Variants in SENP2 observed in about 807,000 individuals in gnomAD.
SENP2 encodes the protein SUMO specific peptidase 2, also known as sentrin-specific protease 2.
Under a neutral mutation model 86.3 loss-of-function variants are expected in SENP2, and 16 were observed. That is an observed-to-expected ratio of 0.19 (90% CI 0.13 to 0.28). The LOEUF (loss-of-function observed/expected upper bound fraction) is 0.28. Among genes scored for constraint, SENP2 ranks in the 10% least tolerant of loss-of-function variants. SENP2 has a pLI of 1.00. For synonymous variants in SENP2, 222 were observed against 238.7 expected, an observed-to-expected ratio of 0.93 and a Z score of 0.64; for missense variants, 552 against 703.0, an observed-to-expected ratio of 0.79 and a Z score of 2.43.
chr3:185,610,139 C>T (rs1033436089), intron 7 of SENP2, among the ~76,000 whole-genome samples: 1 of 145,416 alleles, frequency 6.9e-6, no homozygotes, highest in Admixed American at 7.0e-5. Context: ...TAAAAAGTCA[C>T]AGAATATTAT....
At chr3:185,590,571 T>G (rs1721945482) in intron 2 of SENP2, among the ~76,000 whole-genome samples, 2 of 145,936 alleles carry the variant, frequency 1.4e-5, no homozygotes, top group African/African-American at 2.5e-5. Context: ...CAAAAAAACT[T>G]AAGTCTCTTT....
chr3:185,590,809 C>T (rs1319767503), intron 2 of SENP2, among the ~76,000 whole-genome samples: 3 of 88,666 alleles, frequency 3.4e-5, no homozygotes, highest in African/African-American at 9.9e-5. Context: ...TGCAGTGAGC[C>T]AAGAATCTGC....
rs6807777 is a variant in SENP2, at chr3:185,606,771, G to A, written c.618+273G>A. 249 of 510,072 alleles carry A rather than the reference G, an allele frequency of 4.9e-4. 1 individual carries two copies. The highest frequency in any genetic ancestry group is 3.6e-3 in the African/African-American group (188 of 52,190). 31.6% of individuals were successfully genotyped at this position (510,072 alleles called of 1,614,324 possible). On this transcript the variant is annotated intron_variant, in intron 6 of 16. Transcript: ENST00000296257. Reference sequence around the variant, plus strand: ...CATTAGCAAGGCCTATAGCGGCCACGTGTGCTCAGTGAGTCTGTGACAGGA... The same window carrying A: ...CATTAGCAAGGCCTATAGCGGCCACATGTGCTCAGTGAGTCTGTGACAGGA...
intron 6 of SENP2, 184 bp from the exon 7 acceptor site, chr3:185,609,062 AT>A (rs1460762977): frequency 2.0e-6 from 1 of 512,458 alleles, no homozygotes; most frequent in African/African-American, 1.9e-5. Flanking sequence ...CTACATATAG[AT>A]TGTGGATTCA....
rs374637352 is a variant in SENP2, at chr3:185,598,456, A to G, written c.202A>G (p.Ser68Gly). 5 of 1,614,020 alleles carry G rather than the reference A, an allele frequency of 3.1e-6. No individual in the cohort carries two copies. The African/African-American group carries it at 6.7e-5, about 22-fold the overall frequency. The change falls in exon 3 of 17, where the codon AGC becomes GGC. Residue 68 changes from serine to glycine, a missense_variant. By Grantham distance (56) the Ser-to-Gly change is moderately conservative. Transcript: ENST00000296257. ...GAAAAACAGTCTCTACAATGCTGCC[A>G]GCTTATTTGGATTCCCATTCCAGCT... ...QVKNSLYNAASLFGFPFQLTT... is the reference protein window; with the variant it reads ...QVKNSLYNAAGLFGFPFQLTT...
At chr3:185,607,285 A>G (rs1371388660) in intron 6 of SENP2, among the ~76,000 whole-genome samples, 2 of 151,234 alleles carry the variant, frequency 1.3e-5, no homozygotes, top group Non-Finnish European at 2.9e-5. Context: ...AAGGAAGAAG[A>G]AAGAGTCATA....
At position 185,601,018 on chromosome 3, in the gene SENP2, T is replaced by C. The variant is rs77143484; in HGVS notation, c.449+163T>C. Among the ~76,000 whole-genome samples the C allele has an allele frequency of 4.4e-3, 658 of 150,160 alleles. 5 individuals are homozygous for C. The highest frequency in any genetic ancestry group is 0.015 in the African/African-American group (615 of 40,934). ...CCAGTGAGAGACTTGAACTTAGGGG[T>C]GTGTTATATTTTCTTTTCTTGTCTT... On this transcript the variant is annotated intron_variant, in intron 5 of 16. Coordinates refer to ENST00000296257, the MANE Select transcript of SENP2 (RefSeq NM_021627.3).
chr3:185,593,934 G>A (rs1722091940), intron 2 of SENP2, among the ~76,000 whole-genome samples: 1 of 151,740 alleles, frequency 6.6e-6, no homozygotes, highest in African/African-American at 2.4e-5. Context: ...TCACCATGTT[G>A]GCCAGACTGG....
At chr3:185,600,380 G>A (rs1489720997) in intron 4 of SENP2, among the ~76,000 whole-genome samples, 1 of 152,140 alleles carries the variant, frequency 6.6e-6, no homozygotes, top group Non-Finnish European at 1.5e-5. Context: ...TAGGAATTCA[G>A]AATTTTTCAT....
At chr3:185,623,922 G>C (rs1712015184) in intron 14 of SENP2, 76 bp from the exon 15 acceptor site, 1 of 701,870 alleles carries the variant, frequency 1.4e-6, no homozygotes, top group East Asian at 2.9e-5. Context: ...TTTAACATCA[G>C]AAAGCCCTAT....
At chr3:185,616,761 C>T (rs1198496556) in intron 11 of SENP2, among the ~76,000 whole-genome samples, 3 of 128,312 alleles carry the variant, frequency 2.3e-5, no homozygotes, top group Non-Finnish European at 4.7e-5. Flanking sequence ...GGAGACTGAG[C>T]GAGACTCCGT....
Position 185,611,726 on chromosome 3 carries a change from TCA to T in SENP2, c.799_800del (p.Gln267ValfsTer7). The T allele has an allele frequency of 6.2e-7, 1 of 1,612,880 alleles. No homozygotes were observed. Among genetic ancestry groups the T allele is most frequent in the Non-Finnish European group, 8.5e-7 (1 of 1,179,308 alleles). On this transcript the variant is annotated frameshift_variant, in exon 8 of 17. Transcript: ENST00000296257. ...AGCAAAATCACGGAGTCAAAACAAC[TCA>T]GTTTGTTCCAAAACAATGTGAGTTC... Reference protein sequence around the residue: ...EEQNHGVKTTQFVPKQYRLVE... With the variant: ...EEQNHGVKTTXFVPKQYRLVE...
intron 8 of SENP2, 159 bp from the exon 9 acceptor site, chr3:185,612,448 G>T: frequency 5.5e-6 from 3 of 546,540 alleles, no homozygotes; most frequent in South Asian, 2.9e-5. Context: ...ATTTTTTTAG[G>T]CAACTTAGTA....
In SENP2 at chr3:185,619,310, T is replaced by G. The variant is rs1316129793; in HGVS notation, c.1254T>G (p.Phe418Leu). The change falls in exon 13 of 17, where the codon TTT becomes TTG. Residue 418 changes from phenylalanine to leucine, a missense_variant. Transcript: ENST00000296257. The part of the protein sequence containing the change: ...YHWLNDEVIN[F>L]YMNLLVERNK... Reference sequence around the variant, plus strand: ...TTGGTATTTTGTAGGTCATTAATTTTTACATGAATCTTCTGGTGGAAAGAA... The same window carrying G: ...TTGGTATTTTGTAGGTCATTAATTTGTACATGAATCTTCTGGTGGAAAGAA... 1 of 1,613,346 alleles carries G rather than the reference T, an allele frequency of 6.2e-7. No individual in the cohort carries two copies. The highest frequency in any genetic ancestry group is 1.1e-5 in the South Asian group (1 of 91,064).
chr3:185,588,050 AT>A (rs1196425963), intron 1 of SENP2, among the ~76,000 whole-genome samples: 181 of 64,778 alleles, frequency 2.8e-3, no homozygotes, highest in African/African-American at 5.5e-3. Flanking sequence ...CTACCGGCTA[AT>A]TTTTTTTTTT....
At chr3:185,587,732 A>ATTTTTTTTTTTTTTT (rs59565990) in intron 1 of SENP2, among the ~76,000 whole-genome samples, 5 of 73,004 alleles carry the variant, frequency 6.8e-5, no homozygotes, top group East Asian at 7.2e-4. Context: ...ATGCCCGGCT[A>ATTTTTTTTTTTTTTT]TTTTTTTTTT....
rs369236428 is a variant in SENP2, at chr3:185,632,213, G to GTTTTTTTTTTTTT, written c.*2379_*2380insTTTTTTTTTTTTT. On this transcript the variant is annotated 3_prime_UTR_variant, in exon 17 of 17. Coordinates refer to ENST00000296257, the MANE Select transcript of SENP2 (RefSeq NM_021627.3). ...CAAATTATCACCATTAAAGCCAGTG[G>GTTTTTTTTTTTTT]TTTTTTTTTTGTTTTTTTTTTTTGT... 5.6e-5 allele frequency: 7 copies of GTTTTTTTTTTTTT among 125,326 alleles called. No individual in the cohort carries two copies. Among genetic ancestry groups the GTTTTTTTTTTTTT allele is most frequent in the East Asian group, 2.3e-4 (1 of 4,278 alleles). The allele number at this position is 125,326 out of a possible 1,614,324, so 7.8% of individuals were successfully genotyped here.
intron 16 of SENP2, among the ~76,000 whole-genome samples, chr3:185,629,197 C>G (rs535681025): frequency 1.3e-5 from 2 of 152,198 alleles, no homozygotes; most frequent in Admixed American, 1.3e-4. Flanking sequence ...ATTGTGCCAC[C>G]ACGTGGATAT....
At chr3:185,607,495 AT>A (rs200868638) in intron 6 of SENP2, among the ~76,000 whole-genome samples, 2 of 151,154 alleles carry the variant, frequency 1.3e-5, no homozygotes, top group African/African-American at 2.4e-5. Flanking sequence ...CGCCTGGCTA[AT>A]TTTTTGTATT....
Sources: gnomAD v4.1 joint callset for allele counts (sites outside exome capture counted in the v4.1 genomes callset) on GRCh38, gnomAD v4.1.1 for gene constraint, MANE v1.5 for transcripts, NCBI Gene and HGNC (gene_info 2026-07-23, HGNC 2026-07-21) for gene names.